The following SPMIP7 variants were observed in gnomAD, a reference collection of about 807,000 sequenced individuals.
SPMIP7 encodes protein SPMIP7.
At chr7:50,142,012 A>C in the SPMIP7 span, 1 of 150,058 alleles carries the variant, frequency 6.7e-6, no homozygotes, top group Non-Finnish European at 1.5e-5. Flanking sequence ...ACAGGAGTGA[A>C]CCACCGCGCC....
chr7:50,139,636 G>T, the SPMIP7 span, among the ~76,000 whole-genome samples: 1 of 152,158 alleles, frequency 6.6e-6, no homozygotes, highest in Non-Finnish European at 1.5e-5. Context: ...ATGTGGGTTA[G>T]TCAGCACTGC....
the SPMIP7 span, chr7:50,096,555 A>C: frequency 1.3e-6 from 2 of 1,551,878 alleles, no homozygotes; most frequent in African/African-American, 2.7e-5. Context: ...AAAAGGCAAA[A>C]AATTCTATCA....
the SPMIP7 span, among the ~76,000 whole-genome samples, chr7:50,136,582 G>A: frequency 6.6e-6 from 1 of 151,964 alleles, no homozygotes; most frequent in African/African-American, 2.4e-5. Flanking sequence ...TTTATAAACA[G>A]TTTGATATAA....
At chr7:50,135,998 T>C in the SPMIP7 span, 1 of 829,758 alleles carries the variant, frequency 1.2e-6, no homozygotes, top group Non-Finnish European at 2.0e-6. Flanking sequence ...GCCTGGGGCA[T>C]AGCTATGACG....
chr7:50,145,612 GTGTGTGTATATATATATATATATATA>G, the SPMIP7 span, among the ~76,000 whole-genome samples: 5 of 36,900 alleles, frequency 1.4e-4, no homozygotes, highest in East Asian at 1.3e-3. Flanking sequence ...GTGTGTATAT[GTGTGTGTATATATATATATATATATA>G]TATATATATA....
At chr7:50,152,797 A>G in the SPMIP7 span, among the ~76,000 whole-genome samples, 1 of 151,888 alleles carries the variant, frequency 6.6e-6, no homozygotes, top group Non-Finnish European at 1.5e-5. Flanking sequence ...AGAGATTCTC[A>G]TGTCTCAGCC....
chr7:50,133,646 A>T, the SPMIP7 span, among the ~76,000 whole-genome samples: 4 of 152,166 alleles, frequency 2.6e-5, no homozygotes, highest in Admixed American at 2.6e-4. Flanking sequence ...TAAAGCTGGA[A>T]TCAAGGTGTC....
chr7:50,136,236 C>T, the SPMIP7 span: 2 of 1,154,164 alleles, frequency 1.7e-6, no homozygotes, highest in Admixed American at 4.0e-5. Flanking sequence ...GAAGCTGATG[C>T]TGTAGCCCTT....
chr7:50,134,244 C>T, the SPMIP7 span: 1 of 1,534,748 alleles, frequency 6.5e-7, no homozygotes, highest in Non-Finnish European at 8.8e-7. Context: ...AGCAATAACT[C>T]AGGTCAGCAG....
chr7:50,134,220 TATA>T, the SPMIP7 span: 1 of 1,545,536 alleles, frequency 6.5e-7, no homozygotes, highest in African/African-American at 1.4e-5. Context: ...TCTGAAAAGA[TATA>T]AAGGGGTGCC....
chr7:50,120,122 T>C, the SPMIP7 span: 1 of 152,234 alleles, frequency 6.6e-6, no homozygotes, highest in African/African-American at 2.4e-5. Context: ...CTCACTCCTG[T>C]CTTCCAAATA....
At chr7:50,145,247 A>C in the SPMIP7 span, among the ~76,000 whole-genome samples, 1 of 151,330 alleles carries the variant, frequency 6.6e-6, no homozygotes, top group Non-Finnish European at 1.5e-5. Flanking sequence ...TGGGTGACAG[A>C]GGCCCTGTCT....
the SPMIP7 span, among the ~76,000 whole-genome samples, chr7:50,115,742 T>C: frequency 6.6e-6 from 1 of 152,326 alleles, no homozygotes; most frequent in East Asian, 1.9e-4. Context: ...TAAATGTGAT[T>C]CATTGTGTTA....
the SPMIP7 span, among the ~76,000 whole-genome samples, chr7:50,112,878 G>A: frequency 0.77 from 116,508 of 151,166 alleles, 45,090 homozygotes; most frequent in East Asian, 0.88. Context: ...GGAGTTATCC[G>A]GATGTGGAGG....
the SPMIP7 span, among the ~76,000 whole-genome samples, chr7:50,139,841 G>A: frequency 6.6e-6 from 1 of 152,036 alleles, no homozygotes; most frequent in South Asian, 2.1e-4. Flanking sequence ...CCCATACAAT[G>A]GAATACTACT....
At chr7:50,140,179 T>C in the SPMIP7 span, 20 of 1,494,162 alleles carry the variant, frequency 1.3e-5, no homozygotes, top group Middle Eastern at 2.7e-3. Flanking sequence ...TTCCTCTCTA[T>C]ACGTAAGTAA....
the SPMIP7 span, among the ~76,000 whole-genome samples, chr7:50,139,807 A>G: frequency 6.6e-6 from 1 of 152,238 alleles, no homozygotes; most frequent in Non-Finnish European, 1.5e-5. Context: ...TCAGCAGGTA[A>G]ATAGATAAAG....
the SPMIP7 span, among the ~76,000 whole-genome samples, chr7:50,126,291 C>T: frequency 6.6e-6 from 1 of 151,308 alleles, no homozygotes; most frequent in Non-Finnish European, 1.5e-5. Flanking sequence ...TAATTTGGCA[C>T]TTAGATGAAA....
the SPMIP7 span, among the ~76,000 whole-genome samples, chr7:50,121,839 T>C: frequency 0.31 from 47,184 of 151,248 alleles, 8,408 homozygotes; most frequent in Non-Finnish European, 0.42. Context: ...TTTTTTCTTG[T>C]AGAGATGGAG....
Sources: gnomAD v4.1 joint callset for allele counts (sites outside exome capture counted in the v4.1 genomes callset) on GRCh38, gnomAD v4.1.1 for gene constraint, MANE v1.5 for transcripts, NCBI Gene and HGNC (gene_info 2026-07-23, HGNC 2026-07-21) for gene names.